Variants in TASP1 observed in about 807,000 individuals in gnomAD.
TASP1 encodes taspase 1.
Under a neutral mutation model 56.6 loss-of-function variants are expected in TASP1, and 16 were observed. The ratio of observed to expected loss-of-function variants is 0.28; its 90% CI spans 0.19 to 0.43. The LOEUF (loss-of-function observed/expected upper bound fraction) is 0.43. TASP1 is among the 20% of genes least tolerant of loss of function. TASP1 has a pLI of 1.00. For synonymous variants in TASP1, 179 were observed against 184.2 expected, an observed-to-expected ratio of 0.97 and a Z score of 0.23; for missense variants, 393 against 511.6, an observed-to-expected ratio of 0.77 and a Z score of 2.24.
chr20:13,470,965 TTTCTC>T (rs1367177884), intron 11 of TASP1, among the ~76,000 whole-genome samples: 1 of 152,268 alleles, frequency 6.6e-6, no homozygotes, highest in African/African-American at 2.4e-5. Flanking sequence ...CAAGTGTCCT[TTTCTC>T]TTCCCTCATT....
At chr20:13,284,134 A>G in the TASP1 span, among the ~76,000 whole-genome samples, 1 of 152,262 alleles carries the variant, frequency 6.6e-6, no homozygotes, top group African/African-American at 2.4e-5. Flanking sequence ...GAGTTAAATC[A>G]GTAGATCGAC....
At chr20:13,604,287 G>T (rs997545656) in intron 4 of TASP1, among the ~76,000 whole-genome samples, 2 of 152,126 alleles carry the variant, frequency 1.3e-5, no homozygotes, top group African/African-American at 2.4e-5. Flanking sequence ...TCATAGAATG[G>T]CTTGGTGCTG....
At chr20:13,358,488 CTCT>C in the TASP1 span, among the ~76,000 whole-genome samples, 32 of 152,284 alleles carry the variant, frequency 2.1e-4, no homozygotes, top group African/African-American at 7.0e-4. Context: ...GGTAGGCGGC[CTCT>C]TCTTACTCTC....
chr20:13,444,163 AACCAGCATT>A (rs1217147431), intron 11 of TASP1, among the ~76,000 whole-genome samples: 1 of 152,210 alleles, frequency 6.6e-6, no homozygotes. Flanking sequence ...CCACAAGCAC[AACCAGCATT>A]ACCTGACACT....
At chr20:13,479,714 C>T (rs759786310) in intron 11 of TASP1, among the ~76,000 whole-genome samples, 12 of 152,158 alleles carry the variant, frequency 7.9e-5, no homozygotes, top group Non-Finnish European at 1.6e-4. Flanking sequence ...AGGTTGATCT[C>T]GAACTCCGTG....
At chr20:13,561,002 A>G (rs1056360215) in intron 7 of TASP1, among the ~76,000 whole-genome samples, 6 of 152,250 alleles carry the variant, frequency 3.9e-5, no homozygotes, top group South Asian at 2.1e-4. Flanking sequence ...CAATAATATT[A>G]TAAGCAGATT....
the TASP1 span, among the ~76,000 whole-genome samples, chr20:13,108,768 G>T: frequency 6.6e-6 from 1 of 152,068 alleles, no homozygotes; most frequent in Non-Finnish European, 1.5e-5. Flanking sequence ...TAGAGACTGG[G>T]TTTCACCATG....
At chr20:13,538,257 G>A (rs957458566) in intron 8 of TASP1, among the ~76,000 whole-genome samples, 1 of 152,052 alleles carries the variant, frequency 6.6e-6, no homozygotes, top group Non-Finnish European at 1.5e-5. Flanking sequence ...ACCTGCCTTG[G>A]CCTCCCAAAG....
chr20:13,506,989 T>C (rs1301082272), intron 10 of TASP1, among the ~76,000 whole-genome samples: 3 of 152,004 alleles, frequency 2.0e-5, no homozygotes, highest in Non-Finnish European at 4.4e-5. Flanking sequence ...ACTGTTACTA[T>C]TGGCAGATGA....
the TASP1 span, among the ~76,000 whole-genome samples, chr20:13,352,214 C>T: frequency 3.9e-5 from 6 of 152,106 alleles, no homozygotes; most frequent in Non-Finnish European, 7.4e-5. Flanking sequence ...CTTTGGGAGG[C>T]CAAGGTGGGT....
intron 10 of TASP1, among the ~76,000 whole-genome samples, chr20:13,505,159 G>C (rs895468440): frequency 6.6e-6 from 1 of 152,052 alleles, no homozygotes; most frequent in African/African-American, 2.4e-5. Flanking sequence ...AAGTCAAAAG[G>C]TGTAACAACA....
chr20:13,401,481 T>C (rs150427656), intron 13 of TASP1, among the ~76,000 whole-genome samples: 2 of 152,168 alleles, frequency 1.3e-5, no homozygotes, highest in South Asian at 2.1e-4. Context: ...ATATAAGATA[T>C]ACCTAGTAGA....
intron 6 of TASP1, among the ~76,000 whole-genome samples, chr20:13,576,400 A>T (rs116117204): frequency 0.011 from 1,704 of 151,128 alleles, 24 homozygotes; most frequent in African/African-American, 0.04. Context: ...AAAGAAAGTC[A>T]GTCTTATGGA....
chr20:13,619,380 T>C (rs1600183337), intron 4 of TASP1, among the ~76,000 whole-genome samples: 2 of 152,308 alleles, frequency 1.3e-5, no homozygotes, highest in East Asian at 3.9e-4. Context: ...TCACCTATTA[T>C]TACTCATTAG....
At chr20:13,572,999 C>G (rs1033090890) in intron 6 of TASP1, among the ~76,000 whole-genome samples, 43 of 152,232 alleles carry the variant, frequency 2.8e-4, no homozygotes, top group Admixed American at 2.6e-3. Flanking sequence ...TCTCTGGACT[C>G]AAGAACTGAT....
chr20:13,273,380 G>A, the TASP1 span, among the ~76,000 whole-genome samples: 10 of 151,914 alleles, frequency 6.6e-5, no homozygotes, highest in African/African-American at 2.4e-4. Flanking sequence ...GACTACAGGT[G>A]TGAGCCACCA....
chr20:13,159,814 T>C, the TASP1 span, among the ~76,000 whole-genome samples: 1 of 152,172 alleles, frequency 6.6e-6, no homozygotes, highest in Non-Finnish European at 1.5e-5. Flanking sequence ...ACCAAGTGAC[T>C]GACTGCCTGT....
At chr20:13,542,711 TTAAAAATTCTTCTAAA>T (rs1285463634) in intron 8 of TASP1, among the ~76,000 whole-genome samples, 1 of 151,856 alleles carries the variant, frequency 6.6e-6, no homozygotes, top group African/African-American at 2.4e-5. Flanking sequence ...AATTAAAAGA[TTAAAAATTCTTCTAAA>T]TAATTTATGG....
chr20:13,295,617 TTTGAGGAA>T, the TASP1 span, among the ~76,000 whole-genome samples: 1 of 152,144 alleles, frequency 6.6e-6, no homozygotes, highest in Admixed American at 6.5e-5. Context: ...CAAGAGATTT[TTTGAGGAA>T]ACACCCAGGA....
Sources: gnomAD v4.1 joint callset for allele counts (sites outside exome capture counted in the v4.1 genomes callset) on GRCh38, gnomAD v4.1.1 for gene constraint, MANE v1.5 for transcripts, NCBI Gene and HGNC (gene_info 2026-07-23, HGNC 2026-07-21) for gene names.